The following NDRG4 variants were observed in gnomAD, a reference collection of about 807,000 sequenced individuals.
The protein encoded by NDRG4 is protein NDRG4.
NDRG4 carries 38 observed loss-of-function variants against 55.8 expected under a neutral mutation model. The observed-to-expected ratio is 0.68, with a 90% CI of 0.53 to 0.89. NDRG4 has a LOEUF of 0.89. Among genes scored for constraint, NDRG4 ranks in the 40% least tolerant of loss-of-function variants. The pLI, the probability that NDRG4 is intolerant of heterozygous loss-of-function variation, is 0.00. For missense variants in NDRG4, 455 were observed against 468.6 expected (o/e 0.97, Z 0.27); for synonymous variants, 190 against 182.7 (o/e 1.04, Z -0.32).
At chr16:58,509,224 G>C in intron 12 of NDRG4, 35 bp downstream of exon 12, 1 of 1,613,974 alleles carries the variant, frequency 6.2e-7, no homozygotes, top group Non-Finnish European at 8.5e-7. Context: ...TTACATCTAT[G>C]GGGAGGGGGA....
At chr16:58,478,647 A>G (rs991953587) in intron 1 of NDRG4, among the ~76,000 whole-genome samples, 2 of 150,440 alleles carry the variant, frequency 1.3e-5, no homozygotes, top group Non-Finnish European at 3.0e-5. Context: ...GGGGAAGCTG[A>G]GTGAAGGGTA....
chr16:58,472,829 C>G (rs1228911219), intron 1 of NDRG4, among the ~76,000 whole-genome samples: 3 of 152,106 alleles, frequency 2.0e-5, no homozygotes, highest in Non-Finnish European at 4.4e-5. Context: ...AAGAGCTTCC[C>G]CTCTCCAAGG....
rs924284356 is a variant in NDRG4 at position 58,513,231 on chromosome 16, G to C, written c.*1655G>C. Reference sequence around the variant, plus strand: ...TCCTCCCATGTGTGGTGTTCTTCTGGAGGTTGTCTCTTTGGTCAAGGTGAA... The same window carrying C: ...TCCTCCCATGTGTGGTGTTCTTCTGCAGGTTGTCTCTTTGGTCAAGGTGAA... On this transcript the variant is annotated 3_prime_UTR_variant, in exon 15 of 15. Transcript: ENST00000570248. 1.3e-5 allele frequency: 2 copies of C among 151,840 alleles called. No homozygotes were observed. Among genetic ancestry groups the C allele is most frequent in the Non-Finnish European group, 2.9e-5 (2 of 67,998 alleles). 9.4% of individuals were successfully genotyped at this position (151,840 alleles called of 1,614,324 possible).
chr16:58,493,416 G>A (rs1361905339), intron 2 of NDRG4, among the ~76,000 whole-genome samples: 1 of 152,192 alleles, frequency 6.6e-6, no homozygotes, highest in Admixed American at 6.5e-5. Context: ...TTACAGGCAT[G>A]TGCCACCACA....
chr16:58,472,015 G>A (rs1484194676), intron 1 of NDRG4, among the ~76,000 whole-genome samples: 2 of 152,136 alleles, frequency 1.3e-5, no homozygotes, highest in Non-Finnish European at 2.9e-5. Flanking sequence ...TGCCAGAAAT[G>A]GCTTTTAACA....
In NDRG4 at chr16:58,464,691, G is replaced by T. The variant is rs2031227558; in HGVS notation, c.-24+894G>T. The T allele has an allele frequency of 1.7e-6, 2 of 1,162,280 alleles. No homozygotes were observed. The highest frequency in any genetic ancestry group is 3.8e-5 in the Admixed American group (1 of 26,318). The allele number at this position is 1,162,280 out of a possible 1,614,324, so 72.0% of individuals were successfully genotyped here. On this transcript the variant is annotated intron_variant, in intron 1 of 15. Coordinates refer to the NDRG4 transcript ENST00000258187. The surrounding 1 kb of genome is among the most constrained non-coding windows in gnomAD (Gnocchi z 4.8). ...CTGGCGTCCGGGCTGCGGGAGCACCGGTCAGGGGGTGGCCCCATGGGGTCT... is the reference window on the plus strand; with the variant it reads ...CTGGCGTCCGGGCTGCGGGAGCACCTGTCAGGGGGTGGCCCCATGGGGTCT...
intron 1 of NDRG4, among the ~76,000 whole-genome samples, chr16:58,469,978 C>T (rs1456335920): frequency 1.3e-5 from 2 of 152,170 alleles, no homozygotes; most frequent in Non-Finnish European, 2.9e-5. Context: ...TGTTTCAAAA[C>T]ATATTTTTTG....
intron 2 of NDRG4, chr16:58,494,843 A>AAAAAG (rs928710807): frequency 3.7e-6 from 3 of 815,472 alleles, no homozygotes; most frequent in Non-Finnish European, 5.8e-6. Flanking sequence ...AAAAAAAAAA[A>AAAAAG]AAAAGAAAAG....
chr16:58,507,228 C>T, intron 8 of NDRG4: 1 of 570,422 alleles, frequency 1.8e-6, no homozygotes. Context: ...TGGGCTCTTC[C>T]ACTTTTCCTC....
intron 1 of NDRG4, among the ~76,000 whole-genome samples, chr16:58,487,518 T>TAA (rs906008307): frequency 5.7e-4 from 84 of 148,512 alleles, no homozygotes; most frequent in African/African-American, 5.0e-4. Flanking sequence ...AGACTCCGTG[T>TAA]AAAAAAAAAA....
intron 9 of NDRG4, 41 bp downstream of exon 9, chr16:58,507,905 C>T: frequency 6.2e-7 from 1 of 1,613,834 alleles, no homozygotes; most frequent in Non-Finnish European, 8.5e-7. Context: ...TGGCCTTTGC[C>T]CCCATGACCC....
chr16:58,492,735 A>G lies in NDRG4; in HGVS notation c.73-2229A>G, dbSNP rs533481850. Among the ~76,000 whole-genome samples, 374 of 152,196 alleles carry G rather than the reference A, an allele frequency of 2.5e-3. 1 individual carries two copies. Among genetic ancestry groups the G allele is most frequent in the Non-Finnish European group, 4.5e-3 (304 of 68,010 alleles). ...TTTTTTGTTAGCTTTTGCTTGTAAC[A>G]AAACTGCCGCCTCTGTCCTTCTCTG... is the stretch of plus-strand genomic sequence containing the variant. On this transcript the variant is annotated intron_variant, in intron 2 of 15. Coordinates refer to the NDRG4 transcript ENST00000258187.
chr16:58,510,939 G>A lies in NDRG4; in HGVS notation c.904+256G>A, dbSNP rs889629. On this transcript the variant is annotated intron_variant, in intron 14 of 14. Transcript: ENST00000570248. ...TCCAGAGCTCTGGGGATAGGAAACA[G>A]ACCCTCCTTAGAGGTAGAGCCCAGG... The A allele has an allele frequency of 4.5e-3, 2,611 of 576,898 alleles. 58 individuals carry two copies. The highest frequency in any genetic ancestry group is 0.045 in the African/African-American group (2,392 of 53,620). The allele number at this position is 576,898 out of a possible 1,614,324, so 35.7% of individuals were successfully genotyped here. A position where few individuals can be genotyped will look rare whatever the true frequency, so the allele number is the denominator to read the frequency against.
chr16:58,513,872 C>T (rs1156654492), downstream of NDRG4, among the ~76,000 whole-genome samples: 4 of 152,102 alleles, frequency 2.6e-5, no homozygotes, highest in Non-Finnish European at 5.9e-5. Context: ...GCAGGAGAAT[C>T]GCTTGAACCT....
At chr16:58,514,943 A>T (rs74023114), downstream of NDRG4, among the ~76,000 whole-genome samples, 1,956 of 152,226 alleles carry the variant, frequency 0.013, 43 homozygotes, top group African/African-American at 0.045. Flanking sequence ...TTGAGTCCCT[A>T]CTATGTCAGC....
chr16:58,494,876 G>A (rs1053536815), intron 2 of NDRG4: 115 of 1,067,982 alleles, frequency 1.1e-4, no homozygotes, highest in Non-Finnish European at 1.6e-4. Flanking sequence ...ACAGACTAGG[G>A]GACAGAAATT....
Position 58,464,391 on chromosome 16 carries a change from CG to C in NDRG4, c.-24+595del. ...CCCGGCTCGGCCGAGCGCGCTGCCC[CG>C]ACGCCGCCACCCAGAGCCGGGCCGC... On this transcript the variant is annotated intron_variant, in intron 1 of 15. Coordinates refer to the NDRG4 transcript ENST00000258187. The surrounding 1 kb of genome is among the most constrained non-coding windows in gnomAD (Gnocchi z 4.8). 7.3e-7 allele frequency: 1 copy of C among 1,369,834 alleles called. No homozygotes were observed. Among genetic ancestry groups the C allele is most frequent in the South Asian group, 1.8e-5 (1 of 57,122 alleles). 84.9% of individuals were successfully genotyped at this position (1,369,834 alleles called of 1,614,324 possible).
At chr16:58,514,248 C>T (rs137880105), downstream of NDRG4, among the ~76,000 whole-genome samples, 1 of 152,342 alleles carries the variant, frequency 6.6e-6, no homozygotes, top group Admixed American at 6.5e-5. Flanking sequence ...AGGAGCCTCA[C>T]AAGATTACTC....
At chr16:58,484,233 C>T (rs1331061004) in intron 1 of NDRG4, among the ~76,000 whole-genome samples, 1 of 151,818 alleles carries the variant, frequency 6.6e-6, no homozygotes, top group African/African-American at 2.4e-5. Context: ...ATTAGCCAGG[C>T]GTGGTGGCAG....
Sources: allele counts gnomAD v4.1 joint callset (sites outside exome capture counted in the v4.1 genomes callset), GRCh38; gene constraint gnomAD v4.1.1; non-coding constraint Gnocchi (gnomAD v3.1); transcripts MANE v1.5; gene names NCBI Gene and HGNC (gene_info 2026-07-23, HGNC 2026-07-21).